SFMBT2: variants seen among roughly 807,000 people sequenced by gnomAD.
SFMBT2 encodes the protein scm-like with four MBT domains protein 2.
SFMBT2 carries 38 observed loss-of-function variants against 110.1 expected under a neutral mutation model. The ratio of observed to expected loss-of-function variants is 0.35; its 90% CI spans 0.27 to 0.45. The LOEUF (loss-of-function observed/expected upper bound fraction) is 0.45, where lower values mean the gene tolerates loss of function less well. SFMBT2 is among the 20% of genes least tolerant of loss of function. The pLI, the probability that SFMBT2 is intolerant of heterozygous loss-of-function variation, is 1.00. For synonymous variants in SFMBT2, 425 were observed against 425.4 expected, an observed-to-expected ratio of 1.00 and a Z score of 0.01; for missense variants, 1,011 against 1,094.9, an observed-to-expected ratio of 0.92 and a Z score of 1.08.
chr10:7,265,383 G>A (rs1469070342), intron 7 of SFMBT2, among the ~76,000 whole-genome samples: 1 of 152,160 alleles, frequency 6.6e-6, no homozygotes, highest in African/African-American at 2.4e-5. Context: ...TGTATATTGT[G>A]TAGAGATGGG....
intron 4 of SFMBT2, among the ~76,000 whole-genome samples, chr10:7,344,804 A>C (rs1001060818): frequency 6.6e-6 from 1 of 151,806 alleles, no homozygotes; most frequent in Non-Finnish European, 1.5e-5. Context: ...AATACACACA[A>C]AAAAATTAGC....
At chr10:7,411,194 C>A (rs577214468), upstream of SFMBT2, among the ~76,000 whole-genome samples, 21 of 150,702 alleles carry the variant, frequency 1.4e-4, no homozygotes, top group Non-Finnish European at 2.2e-4. Context: ...AATTAGCCTG[C>A]GGGACGTGAT....
At chr10:7,168,351 G>A (rs1837760184) in intron 20 of SFMBT2, among the ~76,000 whole-genome samples, 1 of 152,188 alleles carries the variant, frequency 6.6e-6, no homozygotes, top group African/African-American at 2.4e-5. Flanking sequence ...ATCTAGAAAT[G>A]AGAAATCTGC....
chr10:7,389,377 C>T (rs1343391106), intron 1 of SFMBT2, among the ~76,000 whole-genome samples: 2 of 152,066 alleles, frequency 1.3e-5, no homozygotes, highest in African/African-American at 2.4e-5. Context: ...TAAAAGAAAG[C>T]GTATTTCCTT....
chr10:7,196,089 T>C (rs1838757484), intron 15 of SFMBT2, among the ~76,000 whole-genome samples: 1 of 152,132 alleles, frequency 6.6e-6, no homozygotes, highest in African/African-American at 2.4e-5. Context: ...TGAAATGATA[T>C]TTGAAATCAC....
intron 5 of SFMBT2, 39 bp from the exon 6 acceptor site, chr10:7,284,189 AT>A: frequency 6.3e-7 from 1 of 1,591,850 alleles, no homozygotes. Flanking sequence ...TTTAAACTTT[AT>A]TTTAAGGTTC....
At chr10:7,304,661 TTTAACTATGCCTA>T (rs1564430336) in intron 4 of SFMBT2, among the ~76,000 whole-genome samples, 1 of 152,176 alleles carries the variant, frequency 6.6e-6, no homozygotes, top group African/African-American at 2.4e-5. Flanking sequence ...CTGAATACGA[TTTAACTATGCCTA>T]AATATCCTAT....
At chr10:7,360,323 T>G (rs755249740) in intron 4 of SFMBT2, among the ~76,000 whole-genome samples, 48 of 152,040 alleles carry the variant, frequency 3.2e-4, no homozygotes, top group South Asian at 1.0e-3. Flanking sequence ...CAAAATTAGC[T>G]AGGCATGGTG....
chr10:7,189,607 G>A (rs1838534813), intron 15 of SFMBT2, among the ~76,000 whole-genome samples: 1 of 152,244 alleles, frequency 6.6e-6, no homozygotes, highest in African/African-American at 2.4e-5. Context: ...GAACGTGAGA[G>A]TGCAAAGCAG....
intron 4 of SFMBT2, among the ~76,000 whole-genome samples, chr10:7,331,419 T>C (rs1053859588): frequency 1.3e-5 from 2 of 152,214 alleles, no homozygotes; most frequent in African/African-American, 4.8e-5. Flanking sequence ...CCAATTATGC[T>C]CTTGAATCTA....
intron 1 of SFMBT2, among the ~76,000 whole-genome samples, chr10:7,403,756 C>T (rs1372472708): frequency 6.6e-6 from 1 of 152,198 alleles, no homozygotes; most frequent in Admixed American, 6.5e-5. Flanking sequence ...GATTTCAAAT[C>T]TAGCTCTCTC....
chr10:7,394,329 T>A (rs1170310233), intron 1 of SFMBT2, among the ~76,000 whole-genome samples: 1 of 151,858 alleles, frequency 6.6e-6, no homozygotes, highest in South Asian at 2.1e-4. Flanking sequence ...TGCCCACCCC[T>A]AAAAATCAAA....
intron 10 of SFMBT2, among the ~76,000 whole-genome samples, chr10:7,222,371 C>T (rs920485369): frequency 9.9e-5 from 15 of 152,110 alleles, no homozygotes; most frequent in Admixed American, 7.2e-4. Flanking sequence ...TGGCAAAATA[C>T]GACAGACTGT....
chr10:7,254,970 T>C (rs1363442666), intron 7 of SFMBT2, among the ~76,000 whole-genome samples: 3 of 152,186 alleles, frequency 2.0e-5, no homozygotes, highest in Non-Finnish European at 4.4e-5. Context: ...TTTATGATAA[T>C]TGAAGAATTC....
At chr10:7,256,850 G>C (rs1841023193) in intron 7 of SFMBT2, among the ~76,000 whole-genome samples, 1 of 152,142 alleles carries the variant, frequency 6.6e-6, no homozygotes, top group African/African-American at 2.4e-5. Flanking sequence ...ACCCTGAGAA[G>C]CTGGAAATTT....
chr10:7,214,487 T>C lies in SFMBT2; in HGVS notation c.1330+5924A>G, dbSNP rs2131634550. Reference sequence around the variant, plus strand: ...TTGCAGAGTGACGCATTTCTTAAGATGGGCAAAGGACAGATTAGATTTATT... The same window carrying C: ...TTGCAGAGTGACGCATTTCTTAAGACGGGCAAAGGACAGATTAGATTTATT... On this transcript the variant is annotated intron_variant, in intron 11 of 20. Transcript: ENST00000397167. The C allele has an allele frequency of 5.7e-6, 5 of 878,730 alleles. No individual in the cohort carries two copies. In the South Asian group the frequency reaches 2.6e-4, roughly 46 times the overall value. 54.4% of individuals were successfully genotyped at this position (878,730 alleles called of 1,614,324 possible). A position where few individuals can be genotyped will look rare whatever the true frequency, so the allele number is the denominator to read the frequency against.
intron 6 of SFMBT2, among the ~76,000 whole-genome samples, chr10:7,278,352 AGCCCCC>A (rs1841845076): frequency 6.6e-6 from 1 of 152,152 alleles, no homozygotes; most frequent in African/African-American, 2.4e-5. Context: ...CAGTTCACAG[AGCCCCC>A]TGCAAGCTGC....
At chr10:7,303,009 G>A (rs1721805805) in intron 4 of SFMBT2, among the ~76,000 whole-genome samples, 1 of 89,184 alleles carries the variant, frequency 1.1e-5, no homozygotes, top group Admixed American at 1.2e-4. Context: ...GGGTTACAAT[G>A]TTAAAAAAAA....
chr10:7,330,841 C>CA (rs981628094), intron 4 of SFMBT2, among the ~76,000 whole-genome samples: 5 of 152,216 alleles, frequency 3.3e-5, no homozygotes, highest in African/African-American at 1.2e-4. Context: ...AACAGAGGAA[C>CA]AAAGACAAGG....
Sources: gnomAD v4.1 joint callset for allele counts (sites outside exome capture counted in the v4.1 genomes callset) on GRCh38, gnomAD v4.1.1 for gene constraint, MANE v1.5 for transcripts, NCBI Gene and HGNC (gene_info 2026-07-23, HGNC 2026-07-21) for gene names.